The following OR14I1 variants were observed in gnomAD, a reference collection of about 807,000 sequenced individuals.
The protein encoded by OR14I1 is olfactory receptor 14I1.
For missense variants in OR14I1, 279 were observed against 181.8 expected (o/e 1.53, Z -3.07); for synonymous variants, 118 against 71.1 (o/e 1.66, Z -3.32).
upstream of OR14I1, among the ~76,000 whole-genome samples, chr1:248,685,665 G>T (rs1484979359): frequency 6.6e-6 from 1 of 150,624 alleles, no homozygotes; most frequent in African/African-American, 2.4e-5. Flanking sequence ...ATATAGTTGT[G>T]TATATATAGT....
rs1443056267 is a variant in OR14I1, at chr1:248,681,923, G to A, written c.382C>T (p.Leu128Phe). 6 of 781,040 alleles carry A rather than the reference G, an allele frequency of 7.7e-6. No individual in the cohort carries two copies. The East Asian group carries it at 1.2e-4, about 16-fold the overall frequency. The allele number at this position is 781,040 out of a possible 1,614,324, so 48.4% of individuals were successfully genotyped here. A position where few individuals can be genotyped will look rare whatever the true frequency, so the allele number is the denominator to read the frequency against. Residue 128 changes from leucine (L) to phenylalanine (F), a missense_variant, in exon 1 of 1, where the codon CTC becomes TTC. Leu to Phe is a conservative substitution (Grantham distance 22, BLOSUM62 0). Coordinates refer to ENST00000342623, the Ensembl canonical transcript of OR14I1. The stretch of plus-strand genomic sequence containing the variant: ...GATGTCATCACGGCTCTGTATTGGA[G>A]GGGGTGGCAAATGGCAACATAGCGG...
the OR14I1 span, among the ~76,000 whole-genome samples, chr1:248,700,518 AC>A: frequency 6.6e-6 from 1 of 152,218 alleles, no homozygotes; most frequent in East Asian, 1.9e-4. Context: ...CGAAAATCAA[AC>A]TCATGGCATA....
chr1:248,697,004 A>G, the OR14I1 span: 1 of 152,214 alleles, frequency 6.6e-6, no homozygotes, highest in African/African-American at 2.4e-5. Flanking sequence ...GCAAATAACT[A>G]GCCAGTCTTC....
At chr1:248,683,454 A>G (rs1462213543), upstream of OR14I1, among the ~76,000 whole-genome samples, 1 of 152,222 alleles carries the variant, frequency 6.6e-6, no homozygotes, top group Non-Finnish European at 1.5e-5. Flanking sequence ...AAATCAGGTT[A>G]CTGATCATCT....
downstream of OR14I1, among the ~76,000 whole-genome samples, chr1:248,678,393 T>C (rs1313154270): frequency 1.3e-5 from 2 of 152,168 alleles, no homozygotes; most frequent in Non-Finnish European, 2.9e-5. Context: ...CCTTAACAAA[T>C]TTAAAAGATT....
In OR14I1 at chr1:248,682,026, AAGATAAGAGATGGAGCTTCTGCG is replaced by A; in HGVS notation, c.256_278del (p.Arg86TrpfsTer16). ...AAAAATAGACTTGAGCCACACAGCC[AAGATAAGAGATGGAGCTTCTGCG>A]AGTCAGGGAGTTACGGATGGATTTA... On this transcript the variant is annotated frameshift_variant, in exon 1 of 1. Transcript: ENST00000342623. LOFTEE classifies it low-confidence loss of function (END_TRUNC). The A allele has an allele frequency of 1.3e-6, 1 of 781,062 alleles. No homozygotes were observed. The highest frequency in any genetic ancestry group is 1.3e-5 in the South Asian group (1 of 74,610). 48.4% of individuals were successfully genotyped at this position (781,062 alleles called of 1,614,324 possible). A position where few individuals can be genotyped will look rare whatever the true frequency, so the allele number is the denominator to read the frequency against.
At chr1:248,692,657 A>G in the OR14I1 span, 1 of 152,388 alleles carries the variant, frequency 6.6e-6, no homozygotes, top group Admixed American at 6.5e-5. Context: ...TGCCCTCATA[A>G]TGCTTACAGT....
At position 248,682,229 on chromosome 1, in the gene OR14I1, C is replaced by T. The variant is rs558079121; in HGVS notation, c.76G>A (p.Ala26Thr). Residue 26 changes from alanine to threonine, a missense_variant, in exon 1 of 1, where the codon GCC becomes ACC. Coordinates refer to ENST00000342623, the Ensembl canonical transcript of OR14I1. Reference sequence around the variant, plus strand: ...AGATAAATCAGCAGAAACAGCCCGGCGTGCAGCACCTGCAGCTCCCAGATA... The same window carrying T: ...AGATAAATCAGCAGAAACAGCCCGGTGTGCAGCACCTGCAGCTCCCAGATA... 7.6e-5 allele frequency: 59 copies of T among 779,446 alleles called. 1 individual carries two copies. Among genetic ancestry groups the T allele is most frequent in the South Asian group, 5.3e-4 (39 of 74,280 alleles). The allele number at this position is 779,446 out of a possible 1,614,324, so 48.3% of individuals were successfully genotyped here.
chr1:248,699,600 T>C, the OR14I1 span, among the ~76,000 whole-genome samples: 1 of 152,126 alleles, frequency 6.6e-6, no homozygotes, highest in Non-Finnish European at 1.5e-5. Context: ...AGCATCTTTC[T>C]GAGAGGGATG....
At chr1:248,685,750 GTGTATATGTATACATACA>G (rs995375158), upstream of OR14I1, among the ~76,000 whole-genome samples, 2 of 149,270 alleles carry the variant, frequency 1.3e-5, no homozygotes, top group Non-Finnish European at 3.0e-5. Flanking sequence ...ATGTATAGTT[GTGTATATGTATACATACA>G]TATATATGTA....
At chr1:248,697,409 A>G in the OR14I1 span, among the ~76,000 whole-genome samples, 116 of 151,282 alleles carry the variant, frequency 7.7e-4, 1 homozygote, top group Non-Finnish European at 3.8e-4. Flanking sequence ...CAGGCTCTCT[A>G]CTAGCTTTGA....
chr1:248,700,277 TA>T, the OR14I1 span, among the ~76,000 whole-genome samples: 1 of 152,234 alleles, frequency 6.6e-6, no homozygotes, highest in African/African-American at 2.4e-5. Flanking sequence ...TAAAAGATCA[TA>T]ATTTATTTTA....
chr1:248,701,801 A>G, the OR14I1 span, among the ~76,000 whole-genome samples: 11 of 152,288 alleles, frequency 7.2e-5, no homozygotes, highest in African/African-American at 2.2e-4. Flanking sequence ...CCACAAATCA[A>G]CATGGCACTG....
chr1:248,678,846 GA>G (rs148179796), downstream of OR14I1, among the ~76,000 whole-genome samples: 22,312 of 150,782 alleles, frequency 0.15, 1,768 homozygotes, highest in African/African-American at 0.19. Flanking sequence ...TTTGGAGGCT[GA>G]AAAAAAAATA....
chr1:248,692,374 G>T, the OR14I1 span, among the ~76,000 whole-genome samples: 1 of 152,126 alleles, frequency 6.6e-6, no homozygotes, highest in African/African-American at 2.4e-5. Flanking sequence ...CCTCATTCCT[G>T]CATTCCCAAC....
the OR14I1 span, among the ~76,000 whole-genome samples, chr1:248,689,372 C>T: frequency 1.6e-4 from 25 of 152,186 alleles, no homozygotes; most frequent in African/African-American, 5.5e-4. Context: ...ATGCTGTCTT[C>T]CAGGAACCTT....
chr1:248,681,948 G>A (rs367802071), exon 1 of OR14I1: 126 of 781,028 alleles, frequency 1.6e-4, no homozygotes, highest in Admixed American at 6.8e-4. Flanking sequence ...CAACATAGCG[G>A]TCATAAGACA....
the OR14I1 span, among the ~76,000 whole-genome samples, chr1:248,702,400 C>G: frequency 1.3e-5 from 2 of 152,174 alleles, no homozygotes; most frequent in South Asian, 4.1e-4. Flanking sequence ...ACAAGTGCTC[C>G]CTCACTGGTA....
upstream of OR14I1, among the ~76,000 whole-genome samples, chr1:248,684,777 T>TACAC (rs1553277688): frequency 2.7e-5 from 4 of 147,890 alleles, no homozygotes; most frequent in East Asian, 2.0e-4. Flanking sequence ...TATATATATA[T>TACAC]ACACACACAC....
Sources: allele counts gnomAD v4.1 joint callset (sites outside exome capture counted in the v4.1 genomes callset), GRCh38; gene constraint gnomAD v4.1.1; transcripts MANE v1.5; gene names NCBI Gene and HGNC (gene_info 2026-07-23, HGNC 2026-07-21).